Variants in SLC30A9 observed in about 807,000 individuals in gnomAD.
The protein encoded by SLC30A9 is solute carrier family 30 member 9, also known as proton-coupled zinc antiporter SLC30A9, mitochondrial.
A neutral mutation model predicts 87.5 loss-of-function variants in SLC30A9; 58 were observed. That is an observed-to-expected ratio of 0.66 (90% CI 0.54 to 0.82). The LOEUF (loss-of-function observed/expected upper bound fraction) is 0.82, where lower values mean the gene tolerates loss of function less well. Among genes scored for constraint, SLC30A9 ranks in the 40% least tolerant of loss-of-function variants. The pLI, the probability that SLC30A9 is intolerant of heterozygous loss-of-function variation, is 0.00. For missense variants in SLC30A9, 557 were observed against 679.1 expected (o/e 0.82, Z 2.00); for synonymous variants, 234 against 233.0 (o/e 1.00, Z -0.04).
chr4:42,033,680 A>G (rs1716547173), intron 6 of SLC30A9, among the ~76,000 whole-genome samples: 1 of 152,006 alleles, frequency 6.6e-6, no homozygotes, highest in Non-Finnish European at 1.5e-5. Flanking sequence ...GGTTCAAGCA[A>G]TTCTCCTGCC....
chr4:42,064,855 G>A (rs923394788), intron 11 of SLC30A9, among the ~76,000 whole-genome samples: 1 of 151,498 alleles, frequency 6.6e-6, no homozygotes, highest in African/African-American at 2.4e-5. Flanking sequence ...GTAGATGTTT[G>A]GTTTGAATTT....
intron 6 of SLC30A9, among the ~76,000 whole-genome samples, chr4:42,034,477 A>T (rs544066023): frequency 4.7e-5 from 7 of 148,674 alleles, no homozygotes; most frequent in Non-Finnish European, 8.9e-5. Flanking sequence ...TTTTGTTTCT[A>T]TTAATTTGAA....
chr4:42,077,914 T>G (rs1224811505), intron 16 of SLC30A9, among the ~76,000 whole-genome samples: 2 of 152,126 alleles, frequency 1.3e-5, no homozygotes, highest in African/African-American at 4.8e-5. Context: ...TGAATTATTT[T>G]AATGGTCTGA....
chr4:42,063,136 T>TTC lies in SLC30A9; in HGVS notation c.1032+18_1032+19dup. On this transcript the variant is annotated intron_variant, in intron 11 of 17. Coordinates refer to ENST00000264451, the MANE Select transcript of SLC30A9 (RefSeq NM_006345.4). The stretch of plus-strand genomic sequence containing the variant: ...CCCTTCTATGGGTAATCCTCTTTTT[T>TTC]TCTCCTCAGTTTTGATGTCTTATGA... The TTC allele has an allele frequency of 6.2e-7, 1 of 1,611,472 alleles. No homozygotes were observed. The highest frequency in any genetic ancestry group is 8.5e-7 in the Non-Finnish European group (1 of 1,178,866).
chr4:42,082,716 C>G (rs900682407), intron 17 of SLC30A9, among the ~76,000 whole-genome samples: 5 of 151,932 alleles, frequency 3.3e-5, no homozygotes, highest in African/African-American at 1.2e-4. Flanking sequence ...GGTATGGTGG[C>G]GGGCCCTTCT....
At chr4:42,040,839 C>T (rs1455022243) in intron 8 of SLC30A9, among the ~76,000 whole-genome samples, 2 of 150,032 alleles carry the variant, frequency 1.3e-5, no homozygotes, top group African/African-American at 2.5e-5. Context: ...GGAAAAAGTG[C>T]CTGCAGAGGA....
intron 10 of SLC30A9, among the ~76,000 whole-genome samples, chr4:42,061,674 G>A (rs1391079332): frequency 6.6e-6 from 1 of 151,868 alleles, no homozygotes; most frequent in Non-Finnish European, 1.5e-5. Flanking sequence ...GAGGCAGGTG[G>A]ATCACCTAAG....
chr4:42,029,234 A>G (rs946834550), intron 6 of SLC30A9: 14 of 441,266 alleles, frequency 3.2e-5, no homozygotes, highest in South Asian at 2.6e-4. Context: ...GCCAATGAGG[A>G]GGGCAGTTGG....
chr4:42,084,774 T>G (rs1718865874), intron 17 of SLC30A9, among the ~76,000 whole-genome samples: 1 of 152,106 alleles, frequency 6.6e-6, no homozygotes, highest in African/African-American at 2.4e-5. Context: ...CCCGGCCAGG[T>G]GCCCTTCCTT....
chr4:42,087,658 T>C lies in SLC30A9; in HGVS notation c.*1532T>C, dbSNP rs1259091649. On this transcript the variant is annotated 3_prime_UTR_variant, in exon 18 of 18. Coordinates refer to ENST00000264451, the MANE Select transcript of SLC30A9 (RefSeq NM_006345.4). Reference sequence around the variant, plus strand: ...CTGTACATTTTAAGTGAAATAACATTCCAGTTTTATTTTTAAGATAGAAAA... The same window carrying C: ...CTGTACATTTTAAGTGAAATAACATCCCAGTTTTATTTTTAAGATAGAAAA... 1 of 151,294 alleles carries C rather than the reference T, an allele frequency of 6.6e-6. No homozygotes were observed. The highest frequency in any genetic ancestry group is 1.5e-5 in the Non-Finnish European group (1 of 67,832). The allele number at this position is 151,294 out of a possible 1,614,324, so 9.4% of individuals were successfully genotyped here.
chr4:42,001,660 C>T lies in SLC30A9; in HGVS notation c.154C>T (p.Pro52Ser), dbSNP rs149368642. Residue 52 changes from proline to serine, a missense_variant, in exon 2 of 18, where the codon CCC becomes TCC. This residue lies in a region of SLC30A9 where 467 missense variants were observed against 529.8 expected (regional missense o/e 0.88). Coordinates refer to ENST00000264451, the MANE Select transcript of SLC30A9 (RefSeq NM_006345.4). Reference protein sequence around the residue: ...VTFGSFSNMVPCSHPYIGTLS... With the variant: ...VTFGSFSNMVSCSHPYIGTLS... ...ATTTGGAAGCTTTTCAAACATGGTT[C>T]CCTGTAGTCATCCATATATTGGTAC... 2.3e-3 allele frequency: 3,667 copies of T among 1,604,118 alleles called. 6 individuals are homozygous for T. Among genetic ancestry groups the T allele is most frequent in the South Asian group, 2.9e-3 (262 of 90,348 alleles).
chr4:42,084,512 G>T (rs1316689798), intron 17 of SLC30A9, among the ~76,000 whole-genome samples: 6 of 150,718 alleles, frequency 4.0e-5, no homozygotes, highest in East Asian at 2.0e-4. Context: ...CCGCTCTGTC[G>T]CCAGGCTGGA....
At chr4:42,015,946 G>A (rs1462568834) in intron 2 of SLC30A9, among the ~76,000 whole-genome samples, 2 of 152,180 alleles carry the variant, frequency 1.3e-5, no homozygotes, top group East Asian at 3.9e-4. Flanking sequence ...TAAGAGTGTA[G>A]AGTAATCAAA....
intron 17 of SLC30A9, among the ~76,000 whole-genome samples, chr4:42,081,932 G>A (rs1239818776): frequency 1.3e-5 from 2 of 152,122 alleles, no homozygotes; most frequent in African/African-American, 2.4e-5. Flanking sequence ...AATAAAGCAT[G>A]GCCGGGCGCG....
At chr4:42,064,377 A>C (rs560342265) in intron 11 of SLC30A9, among the ~76,000 whole-genome samples, 1 of 152,352 alleles carries the variant, frequency 6.6e-6, no homozygotes, top group East Asian at 1.9e-4. Flanking sequence ...AGTCAGAACT[A>C]GACAGAATCA....
chr4:42,052,856 A>G (rs1717437063), intron 9 of SLC30A9, among the ~76,000 whole-genome samples: 2 of 152,254 alleles, frequency 1.3e-5, no homozygotes, highest in Non-Finnish European at 2.9e-5. Context: ...AAACAATATC[A>G]TAAAATAAGA....
Position 42,064,596 on chromosome 4 carries a change from A to G in SLC30A9, c.1033-714A>G, listed in dbSNP as rs1441990871. Among the ~76,000 whole-genome samples, 5 of 152,304 alleles carry G rather than the reference A, an allele frequency of 3.3e-5. No individual in the cohort carries two copies. The South Asian group carries it at 1.0e-3, about 32-fold the overall frequency. On this transcript the variant is annotated intron_variant, in intron 11 of 17. Coordinates refer to ENST00000264451, the MANE Select transcript of SLC30A9 (RefSeq NM_006345.4). ...CACTTTATGGGTACTTCATTGTTCTAGCGTTCTTCTAATTTGTATAGTGTC... is the reference window on the plus strand; with the variant it reads ...CACTTTATGGGTACTTCATTGTTCTGGCGTTCTTCTAATTTGTATAGTGTC...
At chr4:42,020,274 T>A in intron 3 of SLC30A9, 142 bp from the exon 4 acceptor site, 1 of 548,714 alleles carries the variant, frequency 1.8e-6, no homozygotes, top group Non-Finnish European at 3.2e-6. Context: ...ACTTGGATAA[T>A]TTTTTCTCTG....
At chr4:42,069,771 T>C (rs1015493179) in intron 14 of SLC30A9, among the ~76,000 whole-genome samples, 2 of 152,220 alleles carry the variant, frequency 1.3e-5, no homozygotes, top group African/African-American at 2.4e-5. Flanking sequence ...TCTCATTGGT[T>C]CTGGGAGAGA....
Sources: allele counts gnomAD v4.1 joint callset (sites outside exome capture counted in the v4.1 genomes callset), GRCh38; gene constraint gnomAD v4.1.1; regional missense constraint gnomAD v4.1.1; transcripts MANE v1.5; gene names NCBI Gene and HGNC (gene_info 2026-07-23, HGNC 2026-07-21).